The following ARHGAP26 variants were observed in gnomAD, a reference collection of about 807,000 sequenced individuals.
The protein encoded by ARHGAP26 is Rho GTPase activating protein 26.
A neutral mutation model predicts 104.8 loss-of-function variants in ARHGAP26; 38 were observed. The observed-to-expected ratio is 0.36, with a 90% CI of 0.28 to 0.48. ARHGAP26 has a LOEUF of 0.48. ARHGAP26 is among the 20% of genes least tolerant of loss of function. The pLI is 0.99. For missense variants in ARHGAP26, 704 were observed against 947.9 expected (o/e 0.74, Z 3.38); for synonymous variants, 341 against 340.0 (o/e 1.00, Z -0.03).
chr5:142,778,716 C>T (rs1295762566), intron 1 of ARHGAP26, among the ~76,000 whole-genome samples: 1 of 152,146 alleles, frequency 6.6e-6, no homozygotes, highest in Non-Finnish European at 1.5e-5. Flanking sequence ...CCAGCATTTC[C>T]CTGAGATGGA....
chr5:143,154,927 A>C (rs1010175439), intron 20 of ARHGAP26, among the ~76,000 whole-genome samples: 1 of 152,150 alleles, frequency 6.6e-6, no homozygotes, highest in Non-Finnish European at 1.5e-5. Flanking sequence ...ACAGGCTGCT[A>C]TGCTTTTACT....
chr5:143,138,662 T>C (rs560338968), intron 19 of ARHGAP26, among the ~76,000 whole-genome samples: 2 of 152,298 alleles, frequency 1.3e-5, no homozygotes, highest in South Asian at 4.1e-4. Context: ...GAAAGGTGAT[T>C]TAGCCAAACT....
At chr5:143,186,279 A>T (rs1805122594) in intron 20 of ARHGAP26, among the ~76,000 whole-genome samples, 1 of 152,196 alleles carries the variant, frequency 6.6e-6, no homozygotes, top group Middle Eastern at 3.2e-3. Context: ...TTTTAAGAAC[A>T]TGGAGTCCAA....
At chr5:142,827,104 T>G (rs922274198) in intron 1 of ARHGAP26, among the ~76,000 whole-genome samples, 1 of 146,012 alleles carries the variant, frequency 6.8e-6, no homozygotes, top group Middle Eastern at 3.5e-3. Flanking sequence ...TGAGCTTCTG[T>G]TTTTTTTTTT....
chr5:143,059,068 A>G (rs914678858), intron 17 of ARHGAP26, among the ~76,000 whole-genome samples: 1 of 152,240 alleles, frequency 6.6e-6, no homozygotes, highest in African/African-American at 2.4e-5. Context: ...ATGACAGTTG[A>G]GTACCAGTTC....
chr5:142,806,493 G>A (rs1484099296), intron 1 of ARHGAP26, among the ~76,000 whole-genome samples: 2 of 152,090 alleles, frequency 1.3e-5, no homozygotes, highest in Non-Finnish European at 2.9e-5. Flanking sequence ...GTGTGTGTGT[G>A]TGTGTGTGTG....
At chr5:142,925,797 A>G (rs953251338) in intron 10 of ARHGAP26, among the ~76,000 whole-genome samples, 1 of 152,166 alleles carries the variant, frequency 6.6e-6, no homozygotes, top group African/African-American at 2.4e-5. Context: ...ACCCTTAAAT[A>G]TACAGTAGTG....
chr5:142,834,997 C>T (rs956634727), intron 1 of ARHGAP26, among the ~76,000 whole-genome samples: 2 of 152,208 alleles, frequency 1.3e-5, no homozygotes, highest in Non-Finnish European at 2.9e-5. Flanking sequence ...ACCTGGTTCA[C>T]GTGTGAACAC....
At chr5:143,015,558 C>G (rs1417337373) in intron 12 of ARHGAP26, among the ~76,000 whole-genome samples, 1 of 152,206 alleles carries the variant, frequency 6.6e-6, no homozygotes, top group African/African-American at 2.4e-5. Flanking sequence ...TTGAGAGTTT[C>G]AAGACTGCTG....
intron 10 of ARHGAP26, among the ~76,000 whole-genome samples, chr5:142,929,226 G>T (rs537038984): frequency 6.6e-6 from 1 of 152,202 alleles, no homozygotes; most frequent in South Asian, 2.1e-4. Context: ...TAGTCACTGC[G>T]CCCGGCCTAT....
chr5:143,034,057 C>G (rs1252419084), intron 12 of ARHGAP26, among the ~76,000 whole-genome samples: 1 of 152,180 alleles, frequency 6.6e-6, no homozygotes, highest in Non-Finnish European at 1.5e-5. Context: ...TGAGATACCT[C>G]TTGACACCCA....
chr5:142,962,871 G>T (rs1019300188), intron 11 of ARHGAP26, among the ~76,000 whole-genome samples: 1 of 151,880 alleles, frequency 6.6e-6, no homozygotes, highest in Non-Finnish European at 1.5e-5. Flanking sequence ...TGTCATGGGA[G>T]TTTGTTATAC....
At chr5:142,917,375 G>T (rs1477639924) in intron 10 of ARHGAP26, among the ~76,000 whole-genome samples, 1 of 152,130 alleles carries the variant, frequency 6.6e-6, no homozygotes, top group Non-Finnish European at 1.5e-5. Context: ...TTCCAGTGAT[G>T]AGCTCAGAGC....
chr5:142,940,402 A>G (rs1016771554), intron 11 of ARHGAP26, among the ~76,000 whole-genome samples: 1 of 152,122 alleles, frequency 6.6e-6, no homozygotes, highest in Admixed American at 6.5e-5. Flanking sequence ...TTTGTTGTAC[A>G]GATTATTTTG....
chr5:143,027,067 C>T (rs1489286060), intron 12 of ARHGAP26, among the ~76,000 whole-genome samples: 1 of 152,042 alleles, frequency 6.6e-6, no homozygotes, highest in Non-Finnish European at 1.5e-5. Flanking sequence ...GAATATGGTC[C>T]TCTCCCATCT....
At chr5:142,801,891 A>G (rs1304945581) in intron 1 of ARHGAP26, among the ~76,000 whole-genome samples, 9 of 152,180 alleles carry the variant, frequency 5.9e-5, no homozygotes, top group Admixed American at 5.2e-4. Flanking sequence ...AATGCCAGTC[A>G]TTGGTCTGGG....
chr5:142,989,953 A>G (rs1208303476), intron 11 of ARHGAP26, among the ~76,000 whole-genome samples: 2 of 151,770 alleles, frequency 1.3e-5, no homozygotes, highest in Non-Finnish European at 2.9e-5. Context: ...TTTCTCGAGC[A>G]GTATCTTTGT....
At chr5:142,963,732 C>G (rs1770798240) in intron 11 of ARHGAP26, among the ~76,000 whole-genome samples, 1 of 152,204 alleles carries the variant, frequency 6.6e-6, no homozygotes, top group Admixed American at 6.5e-5. Flanking sequence ...CTAGAACCTT[C>G]TATCAAATCA....
At chr5:143,167,397 A>G (rs258779) in intron 20 of ARHGAP26, among the ~76,000 whole-genome samples, 120,963 of 144,746 alleles carry the variant, frequency 0.84, 51,047 homozygotes, top group African/African-American at 0.94. Flanking sequence ...CATGAGAATC[A>G]CTTGAACCCG....
Sources: gnomAD v4.1 joint callset for allele counts (sites outside exome capture counted in the v4.1 genomes callset) on GRCh38, gnomAD v4.1.1 for gene constraint, MANE v1.5 for transcripts, NCBI Gene and HGNC (gene_info 2026-07-23, HGNC 2026-07-21) for gene names.